Variants in RBFOX1 observed in about 807,000 individuals in gnomAD.
RBFOX1 encodes RNA binding protein fox-1 homolog 1.
RBFOX1 carries 8 observed loss-of-function variants against 57.7 expected under a neutral mutation model. The observed-to-expected ratio is 0.14, with a 90% CI of 0.08 to 0.25. The LOEUF is 0.25. Among genes scored for constraint, RBFOX1 ranks in the 10% least tolerant of loss-of-function variants. The pLI is 1.00. For missense variants in RBFOX1, 611 were observed against 548.5 expected, an observed-to-expected ratio of 1.11 and a Z score of -1.14; for synonymous variants, 326 against 222.4, an observed-to-expected ratio of 1.47 and a Z score of -4.15.
At chr16:5,702,216 G>C (rs2051075781) in intron 3 of RBFOX1, among the ~76,000 whole-genome samples, 1 of 152,186 alleles carries the variant, frequency 6.6e-6, no homozygotes, top group African/African-American at 2.4e-5. Context: ...ATGACTGGGA[G>C]ACCTCAGGAA....
chr16:6,818,328 G>T lies in RBFOX1; in HGVS notation c.-16+163678G>T, dbSNP rs567695692. Among the ~76,000 whole-genome samples, 3 of 152,198 alleles carry T rather than the reference G, an allele frequency of 2.0e-5. No homozygotes were observed. In the South Asian group the frequency reaches 6.2e-4, roughly 32 times the overall value. On this transcript the variant is annotated intron_variant, in intron 3 of 15. Coordinates refer to ENST00000550418, the MANE Select transcript of RBFOX1 (RefSeq NM_018723.4). ...ACTATGAGAATCATGGTTTCTAAAT[G>T]GGTGTGACATACGGAGCTCACCTCA...
At position 6,734,794 on chromosome 16, in the gene RBFOX1, GA is replaced by G. The variant is rs545373311; in HGVS notation, c.-16+80148del. Among the ~76,000 whole-genome samples, 29 of 152,204 alleles carry G rather than the reference GA, an allele frequency of 1.9e-4. No homozygotes were observed. In the East Asian group the frequency reaches 5.4e-3, roughly 28 times the overall value. ...ATATAAGTTGTACTTAAGATTTGTG[GA>G]AAATATTTTTTACGAAATCTAGATG... is the stretch of plus-strand genomic sequence containing the variant. On this transcript the variant is annotated intron_variant, in intron 3 of 15. Transcript: ENST00000550418.
intron 13 of RBFOX1, among the ~76,000 whole-genome samples, chr16:7,666,853 C>T (rs545726920): frequency 1.3e-5 from 2 of 152,300 alleles, no homozygotes; most frequent in Non-Finnish European, 1.5e-5. Flanking sequence ...GTCTCTCACA[C>T]ATTCATCATG....
chr16:6,714,882 A>G (rs1022174500), intron 3 of RBFOX1, among the ~76,000 whole-genome samples: 11 of 152,316 alleles, frequency 7.2e-5, no homozygotes, highest in African/African-American at 2.2e-4. Context: ...AAAAGTCTCT[A>G]GAAGGCACCT....
intron 3 of RBFOX1, among the ~76,000 whole-genome samples, chr16:5,835,988 G>T (rs1219054619): frequency 6.6e-6 from 1 of 152,202 alleles, no homozygotes; most frequent in Non-Finnish European, 1.5e-5. Flanking sequence ...GGAGGCTGAG[G>T]CTGCTTGGAG....
intron 4 of RBFOX1, among the ~76,000 whole-genome samples, chr16:7,193,606 C>G (rs780243491): frequency 2.2e-4 from 34 of 152,198 alleles, no homozygotes; most frequent in Non-Finnish European, 7.3e-5. Context: ...TCCAATGAGG[C>G]AGGTACTACA....
chr16:6,638,108 G>C (rs544427379), intron 2 of RBFOX1, among the ~76,000 whole-genome samples: 1 of 152,016 alleles, frequency 6.6e-6, no homozygotes. Flanking sequence ...AATGTTGTAG[G>C]CCTGCCATTG....
intron 4 of RBFOX1, among the ~76,000 whole-genome samples, chr16:7,116,233 G>C (rs57790041): frequency 5.1e-4 from 77 of 152,146 alleles, no homozygotes; most frequent in African/African-American, 1.6e-3. Context: ...TGAATATATA[G>C]AGAGAAAGCC....
At chr16:7,439,621 T>G (rs957387634) in intron 4 of RBFOX1, among the ~76,000 whole-genome samples, 1 of 152,230 alleles carries the variant, frequency 6.6e-6, no homozygotes, top group African/African-American at 2.4e-5. Flanking sequence ...GTCCCAACGC[T>G]GCTCAGTTTT....
chr16:6,320,630 C>T (rs2081657000), intron 2 of RBFOX1, among the ~76,000 whole-genome samples: 2 of 152,022 alleles, frequency 1.3e-5, no homozygotes, highest in African/African-American at 4.8e-5. Context: ...GTTAACCCTG[C>T]TAAGAGAATA....
chr16:7,545,522 A>G (rs1453999248), intron 5 of RBFOX1, among the ~76,000 whole-genome samples: 1 of 152,104 alleles, frequency 6.6e-6, no homozygotes, highest in Non-Finnish European at 1.5e-5. Flanking sequence ...TAGCTGTGTT[A>G]ATAGGCGCCA....
chr16:5,324,653 G>T (rs570453775), intron 1 of RBFOX1, among the ~76,000 whole-genome samples: 128 of 152,150 alleles, frequency 8.4e-4, no homozygotes, highest in Middle Eastern at 3.2e-3. Flanking sequence ...CATGTCCTTT[G>T]CAGGAACATA....
At chr16:6,462,430 C>G (rs1023802369) in intron 2 of RBFOX1, among the ~76,000 whole-genome samples, 1 of 152,202 alleles carries the variant, frequency 6.6e-6, no homozygotes, top group Non-Finnish European at 1.5e-5. Context: ...TAAAAATCTA[C>G]TTACTCCTTT....
intron 2 of RBFOX1, among the ~76,000 whole-genome samples, chr16:6,497,651 G>A (rs2095808563): frequency 6.6e-6 from 1 of 151,856 alleles, no homozygotes; most frequent in Non-Finnish European, 1.5e-5. Context: ...CTGCCTCCCA[G>A]GTTCAAGTGA....
chr16:6,718,798 C>T (rs531857206), intron 3 of RBFOX1, among the ~76,000 whole-genome samples: 24 of 152,238 alleles, frequency 1.6e-4, no homozygotes, highest in Admixed American at 9.2e-4. Context: ...CTCCAGTCTC[C>T]GCATAAACAC....
intron 4 of RBFOX1, among the ~76,000 whole-genome samples, chr16:5,970,845 T>C (rs1480225039): frequency 6.6e-6 from 1 of 152,220 alleles, no homozygotes; most frequent in African/African-American, 2.4e-5. Context: ...AAGATACTCA[T>C]TTTTCATTCT....
intron 4 of RBFOX1, among the ~76,000 whole-genome samples, chr16:7,282,666 G>A (rs533414302): frequency 6.6e-6 from 1 of 151,962 alleles, no homozygotes; most frequent in Admixed American, 6.6e-5. Flanking sequence ...TGTGAGATTT[G>A]GGTGCACCCA....
chr16:7,373,046 C>A (rs1281221132), intron 4 of RBFOX1, among the ~76,000 whole-genome samples: 2 of 151,906 alleles, frequency 1.3e-5, no homozygotes, highest in Non-Finnish European at 2.9e-5. Flanking sequence ...ATTCTCTTGC[C>A]TCAGCCTCCC....
chr16:7,452,402 T>G lies in RBFOX1; in HGVS notation c.28-65745T>G, dbSNP rs546211108. ...GTGCCTGGTGCATCCCCCACCTGCC[T>G]AGAATGGCCAGTTGCTTCATATTCC... is the stretch of plus-strand genomic sequence containing the variant. On this transcript the variant is annotated intron_variant, in intron 4 of 15. Coordinates refer to ENST00000550418, the MANE Select transcript of RBFOX1 (RefSeq NM_018723.4). 1.5e-3 allele frequency among the ~76,000 whole-genome samples: 225 copies of G among 152,300 alleles called. 9 individuals are homozygous for G. In the South Asian group the frequency reaches 0.046, roughly 31 times the overall value.
Sources: allele counts gnomAD v4.1 joint callset (sites outside exome capture counted in the v4.1 genomes callset), GRCh38; gene constraint gnomAD v4.1.1; transcripts MANE v1.5; gene names NCBI Gene and HGNC (gene_info 2026-07-23, HGNC 2026-07-21).